Variants in GRIK3 observed in about 807,000 individuals in gnomAD.
The protein encoded by GRIK3 is glutamate ionotropic receptor kainate type subunit 3.
In GRIK3, 29 loss-of-function variants were observed where a neutral mutation model predicts 102.5. The observed-to-expected ratio is 0.28, with a 90% CI of 0.21 to 0.39. The LOEUF (loss-of-function observed/expected upper bound fraction) is 0.39. Among genes scored for constraint, GRIK3 ranks in the 10% least tolerant of loss-of-function variants. The pLI, the probability that GRIK3 is intolerant of heterozygous loss-of-function variation, is 1.00. For synonymous variants in GRIK3, 511 were observed against 504.9 expected, an observed-to-expected ratio of 1.01 and a Z score of -0.16; for missense variants, 908 against 1,252.4, an observed-to-expected ratio of 0.73 and a Z score of 4.15.
Position 36,817,152 on chromosome 1 carries a change from C to T in GRIK3, c.1999G>A (p.Glu667Lys). ...LAAFLTVERMESPIDSADDLA... is the reference protein window; with the variant it reads ...LAAFLTVERMKSPIDSADDLA... ...TCATCAGCAGAGTCAATGGGTGATT[C>T]CATGCGCTCCACGGTCAGAAAGGCA... Residue 667 changes from glutamate (E) to lysine (K), a missense_variant, in exon 13 of 16, where the codon GAA becomes AAA. Around this residue, in one of 3 missense-constraint regions of GRIK3, gnomAD observed 297 missense variants for 362.7 expected, o/e 0.82. Coordinates refer to ENST00000373091, the MANE Select transcript of GRIK3 (RefSeq NM_000831.4). 2 of 1,614,082 alleles carry T rather than the reference C, an allele frequency of 1.2e-6. No individual in the cohort carries two copies. Among genetic ancestry groups the T allele is most frequent in the Non-Finnish European group, 1.7e-6 (2 of 1,179,974 alleles).
intron 1 of GRIK3, among the ~76,000 whole-genome samples, chr1:36,919,708 TCAGTGGACA>T (rs2124302581): frequency 6.6e-6 from 1 of 152,362 alleles, no homozygotes; most frequent in Admixed American, 6.5e-5. Flanking sequence ...TGCCCGGCTG[TCAGTGGACA>T]CATGGTGATG....
intron 1 of GRIK3, among the ~76,000 whole-genome samples, chr1:37,028,286 A>T (rs1300111753): frequency 1.3e-5 from 2 of 151,940 alleles, no homozygotes; most frequent in Non-Finnish European, 2.9e-5. Flanking sequence ...TCCAGTGGGG[A>T]CATGTAGACT....
chr1:37,018,753 G>T (rs1642679472), intron 1 of GRIK3, among the ~76,000 whole-genome samples: 1 of 151,998 alleles, frequency 6.6e-6, no homozygotes, highest in Non-Finnish European at 1.5e-5. Flanking sequence ...GGAGATTGAT[G>T]CCTGCATTGA....
chr1:36,952,386 C>G (rs950607763), intron 1 of GRIK3, among the ~76,000 whole-genome samples: 13 of 152,272 alleles, frequency 8.5e-5, no homozygotes, highest in South Asian at 4.2e-4. Context: ...CTGCACAGAG[C>G]AGGTGCTGAA....
rs1470958834 is a variant in GRIK3 at position 36,802,020 on chromosome 1, T to C, written c.2591A>G (p.Asp864Gly). The C allele has an allele frequency of 6.2e-7, 1 of 1,612,814 alleles. No individual in the cohort carries two copies. Among genetic ancestry groups the C allele is most frequent in the Non-Finnish European group, 8.5e-7 (1 of 1,179,428 alleles). ...GCAGGTAAGGGAGAAACGGATCTCA[T>C]CGGCCACGGTGCTGCAGAAGGAACG... Reference protein sequence around the residue: ...EQRSFCSTVADEIRFSLTCQR... With the variant: ...EQRSFCSTVAGEIRFSLTCQR... The change falls in exon 16 of 16, where the codon GAT becomes GGT. Residue 864 changes from aspartate to glycine, a missense_variant. Asp to Gly is a moderately conservative substitution (Grantham distance 94, BLOSUM62 -1). Around this residue, in one of 3 missense-constraint regions of GRIK3, gnomAD observed 297 missense variants for 362.7 expected, o/e 0.82. Coordinates refer to ENST00000373091, the MANE Select transcript of GRIK3 (RefSeq NM_000831.4).
intron 1 of GRIK3, among the ~76,000 whole-genome samples, chr1:37,008,381 G>A (rs571290261): frequency 2.6e-5 from 4 of 152,338 alleles, no homozygotes; most frequent in South Asian, 4.1e-4. Context: ...TAAAGAAATC[G>A]CCCAGGACAG....
At chr1:36,971,150 T>C (rs1642135664) in intron 1 of GRIK3, among the ~76,000 whole-genome samples, 1 of 152,208 alleles carries the variant, frequency 6.6e-6, no homozygotes, top group African/African-American at 2.4e-5. Context: ...CACCTCCTGG[T>C]TCTGGTAGGG....
chr1:37,026,903 GA>G (rs913427621), intron 1 of GRIK3, among the ~76,000 whole-genome samples: 9 of 149,798 alleles, frequency 6.0e-5, no homozygotes, highest in African/African-American at 9.8e-5. Flanking sequence ...ATGAAAATGT[GA>G]AAAAAAAATC....
chr1:36,945,421 TG>T (rs1399892844), intron 1 of GRIK3, among the ~76,000 whole-genome samples: 6 of 152,194 alleles, frequency 3.9e-5, no homozygotes, highest in South Asian at 2.1e-4. Flanking sequence ...CTCAGGCCTC[TG>T]GGTTTCGGCC....
intron 10 of GRIK3, among the ~76,000 whole-genome samples, chr1:36,826,680 T>TAAAAAAAAAAAAAA (rs57217516): frequency 9.2e-6 from 1 of 108,110 alleles, no homozygotes; most frequent in Non-Finnish European, 2.0e-5. Flanking sequence ...TTTCAAAAAA[T>TAAAAAAAAAAAAAA]AAAAAAAAAA....
intron 1 of GRIK3, among the ~76,000 whole-genome samples, chr1:37,028,305 C>T (rs1642784333): frequency 1.3e-5 from 2 of 152,028 alleles, no homozygotes; most frequent in African/African-American, 2.4e-5. Context: ...CTACAGACCC[C>T]AGAACAGTGG....
intron 1 of GRIK3, among the ~76,000 whole-genome samples, chr1:36,977,290 T>C (rs1482607017): frequency 6.6e-6 from 1 of 152,212 alleles, no homozygotes; most frequent in Non-Finnish European, 1.5e-5. Flanking sequence ...GTCTTAAAGA[T>C]TTGAGACTCA....
intron 2 of GRIK3, among the ~76,000 whole-genome samples, chr1:36,887,878 G>T (rs1300507068): frequency 4.6e-5 from 7 of 151,084 alleles, no homozygotes; most frequent in Admixed American, 2.6e-4. Flanking sequence ...CACCAGAATG[G>T]CCAAAATTTA....
chr1:37,005,478 C>T (rs1246627727), intron 1 of GRIK3, among the ~76,000 whole-genome samples: 2 of 152,210 alleles, frequency 1.3e-5, no homozygotes, highest in Non-Finnish European at 2.9e-5. Context: ...ACACAATCCC[C>T]AGAAAGTCAG....
intron 1 of GRIK3, among the ~76,000 whole-genome samples, chr1:36,956,309 G>A (rs1368323499): frequency 1.3e-5 from 2 of 152,220 alleles, no homozygotes; most frequent in East Asian, 3.9e-4. Context: ...CCAAGGTGCT[G>A]CATAGGCAGA....
intron 1 of GRIK3, among the ~76,000 whole-genome samples, chr1:36,918,477 C>T (rs552674456): frequency 6.6e-6 from 1 of 152,260 alleles, no homozygotes; most frequent in African/African-American, 2.4e-5. Flanking sequence ...GTATCTGATC[C>T]CTTCTCGTGC....
At chr1:36,889,858 C>T (rs1641082586) in intron 2 of GRIK3, among the ~76,000 whole-genome samples, 1 of 152,140 alleles carries the variant, frequency 6.6e-6, no homozygotes, top group Non-Finnish European at 1.5e-5. Flanking sequence ...CCACGAGGGC[C>T]TCTGCACTCT....
At position 36,795,670 on chromosome 1, in the gene GRIK3, T is replaced by C. The variant is rs1427401400; in HGVS notation, c.*6181A>G. The stretch of plus-strand genomic sequence containing the variant: ...ATTTATTTACATCAGCCTAGAATGA[T>C]TGGCAAGTAACACAGTTACTATGAA... On this transcript the variant is annotated 3_prime_UTR_variant, in exon 16 of 16. Transcript: ENST00000373091. 1 of 152,356 alleles carries C rather than the reference T, an allele frequency of 6.6e-6. No individual in the cohort carries two copies. The highest frequency in any genetic ancestry group is 2.4e-5 in the African/African-American group (1 of 41,582). 9.4% of individuals were successfully genotyped at this position (152,356 alleles called of 1,614,324 possible).
intron 11 of GRIK3, among the ~76,000 whole-genome samples, chr1:36,824,291 C>G (rs968709808): frequency 6.6e-6 from 1 of 152,170 alleles, no homozygotes; most frequent in East Asian, 1.9e-4. Context: ...CCCCTGGAGC[C>G]GCTAAAATCA....
Sources: allele counts gnomAD v4.1 joint callset (sites outside exome capture counted in the v4.1 genomes callset), GRCh38; gene constraint gnomAD v4.1.1; regional missense constraint gnomAD v4.1.1; transcripts MANE v1.5; gene names NCBI Gene and HGNC (gene_info 2026-07-23, HGNC 2026-07-21).